FIP1L1: variants seen among roughly 807,000 people sequenced by gnomAD.
FIP1L1 encodes factor interacting with PAPOLA and CPSF1.
In FIP1L1, 21 loss-of-function variants were observed where a neutral mutation model predicts 84.6. The ratio of observed to expected loss-of-function variants is 0.25; its 90% confidence interval spans 0.18 to 0.36. FIP1L1 has a LOEUF of 0.36. Among genes scored for constraint, FIP1L1 ranks in the 10% least tolerant of loss-of-function variants. FIP1L1 has a pLI of 1.00. For synonymous variants in FIP1L1, 263 were observed against 242.3 expected (o/e 1.09, Z -0.80); for missense variants, 526 against 751.1 (o/e 0.70, Z 3.50).
intron 15 of FIP1L1, among the ~76,000 whole-genome samples, chr4:53,445,163 T>C (rs775730315): frequency 6.6e-6 from 1 of 152,200 alleles, no homozygotes; most frequent in Non-Finnish European, 1.5e-5. Context: ...CTGTGGAGTT[T>C]GGACCTTATT....
chr4:53,441,185 G>A (rs1771759825), intron 13 of FIP1L1, among the ~76,000 whole-genome samples: 1 of 151,586 alleles, frequency 6.6e-6, no homozygotes, highest in South Asian at 2.1e-4. Flanking sequence ...TTACATTTTT[G>A]TCAGTTATTT....
intron 8 of FIP1L1, 47 bp from the exon 9 acceptor site, chr4:53,391,383 T>C: frequency 6.7e-7 from 1 of 1,502,092 alleles, no homozygotes; most frequent in Non-Finnish European, 9.3e-7. Context: ...GGCCTATTAA[T>C]TAAATATTAT....
At chr4:53,395,246 G>C (rs1746590471) in intron 9 of FIP1L1, among the ~76,000 whole-genome samples, 1 of 152,114 alleles carries the variant, frequency 6.6e-6, no homozygotes, top group South Asian at 2.1e-4. Context: ...TTTCAGAATT[G>C]TTTAATAGAA....
chr4:53,426,299 ACC>A (rs1764329883), intron 12 of FIP1L1, among the ~76,000 whole-genome samples: 2 of 152,216 alleles, frequency 1.3e-5, no homozygotes, highest in Admixed American at 6.5e-5. Flanking sequence ...TAGAGATGAG[ACC>A]CAAGTCTAAA....
chr4:53,412,528 A>G (rs1757680466), intron 10 of FIP1L1, among the ~76,000 whole-genome samples: 1 of 152,016 alleles, frequency 6.6e-6, no homozygotes, highest in Admixed American at 6.5e-5. Context: ...GAAGAGTACA[A>G]TCTAGTTGTT....
Position 53,391,499 on chromosome 4 carries a change from G to C in FIP1L1, c.705+1G>C. On this transcript the variant is annotated splice_donor_variant, in intron 9 of 17. Transcript: ENST00000337488. LOFTEE classifies it high-confidence loss of function. ...AGATGGCAGATTCAATCTTTTTAAG[G>C]TGAATTTTAGTAAATTATCCTTGGT... The C allele has an allele frequency of 6.2e-7, 1 of 1,607,588 alleles. No individual in the cohort carries two copies. The highest frequency in any genetic ancestry group is 8.5e-7 in the Non-Finnish European group (1 of 1,174,316).
intron 10 of FIP1L1, among the ~76,000 whole-genome samples, chr4:53,401,131 A>G (rs1211377887): frequency 6.6e-6 from 1 of 152,248 alleles, no homozygotes; most frequent in Non-Finnish European, 1.5e-5. Flanking sequence ...ATCTATATTC[A>G]GTGGATTCAT....
intron 10 of FIP1L1, among the ~76,000 whole-genome samples, chr4:53,405,486 T>C (rs1166956285): frequency 6.6e-6 from 1 of 151,622 alleles, no homozygotes; most frequent in Non-Finnish European, 1.5e-5. Context: ...GCCTTGGCGA[T>C]GCGGGCTCTT....
Position 53,421,175 on chromosome 4 carries a change from A to G in FIP1L1, c.924-4697A>G, listed in dbSNP as rs545088572. Reference sequence around the variant, plus strand: ...GATAGCTAGGCACCTACGGTTTTGAAGTAAAATGATAGATGTAGTTACAAT... The same window carrying G: ...GATAGCTAGGCACCTACGGTTTTGAGGTAAAATGATAGATGTAGTTACAAT... On this transcript the variant is annotated intron_variant, in intron 11 of 17. Transcript: ENST00000337488. Among the ~76,000 whole-genome samples, 9 of 152,316 alleles carry G rather than the reference A, an allele frequency of 5.9e-5. No individual in the cohort carries two copies. In the East Asian group the frequency reaches 1.5e-3, roughly 26 times the overall value.
intron 4 of FIP1L1, among the ~76,000 whole-genome samples, chr4:53,382,878 T>G (rs1738847507): frequency 6.6e-6 from 1 of 152,342 alleles, no homozygotes; most frequent in African/African-American, 2.4e-5. Flanking sequence ...ATGATGTGAT[T>G]AAGCACAAAA....
chr4:53,460,283 AAC>A lies in FIP1L1; in HGVS notation c.*836_*837del. On this transcript the variant is annotated 3_prime_UTR_variant, in exon 18 of 18. Transcript: ENST00000337488. ...TTTAGCCATTTCTTACTAAAAACAA[AAC>A]AAGTTTATAATTAATTCTCTGAGCG... 5.2e-6 allele frequency: 1 copy of A among 191,376 alleles called. No homozygotes were observed. The highest frequency in any genetic ancestry group is 1.1e-5 in the Non-Finnish European group (1 of 91,472). 11.9% of individuals were successfully genotyped at this position (191,376 alleles called of 1,614,324 possible).
intron 15 of FIP1L1, 124 bp downstream of exon 15, chr4:53,444,227 C>A (rs1773232860): frequency 4.9e-6 from 3 of 617,916 alleles, no homozygotes; most frequent in African/African-American, 3.7e-5. Context: ...ATATTAACTA[C>A]AGGAATGAGT....
intron 5 of FIP1L1, among the ~76,000 whole-genome samples, chr4:53,387,200 C>T (rs778878468): frequency 6.6e-6 from 1 of 152,158 alleles, no homozygotes; most frequent in East Asian, 1.9e-4. Context: ...ATGTGGTATA[C>T]ACCTGTAGTC....
chr4:53,445,694 C>A (rs1240461992), intron 15 of FIP1L1, among the ~76,000 whole-genome samples: 3 of 152,098 alleles, frequency 2.0e-5, no homozygotes, highest in Admixed American at 2.0e-4. Context: ...CTTGTCCATG[C>A]CGATAAGGGT....
chr4:53,400,158 C>T (rs1749487170), intron 10 of FIP1L1, among the ~76,000 whole-genome samples: 1 of 152,168 alleles, frequency 6.6e-6, no homozygotes, highest in South Asian at 2.1e-4. Flanking sequence ...GTTTCCTGTG[C>T]TCCCTATTCT....
At chr4:53,383,129 T>C (rs1277036498) in intron 4 of FIP1L1, among the ~76,000 whole-genome samples, 3 of 152,138 alleles carry the variant, frequency 2.0e-5, no homozygotes, top group Admixed American at 1.3e-4. Flanking sequence ...CAAATACTTA[T>C]TTTTTATAAT....
intron 14 of FIP1L1, among the ~76,000 whole-genome samples, chr4:53,443,526 A>G (rs1329219129): frequency 6.6e-6 from 1 of 152,190 alleles, no homozygotes; most frequent in Non-Finnish European, 1.5e-5. Context: ...AGAACTTTAC[A>G]TCAGTAGCAT....
intron 11 of FIP1L1, among the ~76,000 whole-genome samples, chr4:53,425,270 T>G (rs1226544148): frequency 6.6e-6 from 1 of 152,120 alleles, no homozygotes; most frequent in African/African-American, 2.4e-5. Context: ...TATGATAGAC[T>G]ATTTTTCCAT....
At chr4:53,422,413 CAT>C (rs1438929214) in intron 11 of FIP1L1, among the ~76,000 whole-genome samples, 4 of 151,962 alleles carry the variant, frequency 2.6e-5, no homozygotes, top group Admixed American at 2.0e-4. Flanking sequence ...CTATTGTACT[CAT>C]ATTTTCTCTT....
Sources: gnomAD v4.1 joint callset for allele counts (sites outside exome capture counted in the v4.1 genomes callset) on GRCh38, gnomAD v4.1.1 for gene constraint, MANE v1.5 for transcripts, NCBI Gene and HGNC (gene_info 2026-07-23, HGNC 2026-07-21) for gene names.